The following DNAJC1 variants were observed in gnomAD, a reference collection of about 807,000 sequenced individuals.
DNAJC1 encodes dnaJ homolog subfamily C member 1.
DNAJC1 carries 58 observed loss-of-function variants against 76.6 expected under a neutral mutation model. The ratio of observed to expected loss-of-function variants is 0.76; its 90% CI spans 0.61 to 0.94. The LOEUF is 0.94. Ranked by LOEUF, DNAJC1 falls within the 40% of genes least tolerant of loss-of-function variation. The pLI, the probability that DNAJC1 is intolerant of heterozygous loss-of-function variation, is 0.00. For synonymous variants in DNAJC1, 258 were observed against 267.9 expected (o/e 0.96, Z 0.36); for missense variants, 689 against 677.3 (o/e 1.02, Z -0.19).
intron 8 of DNAJC1, among the ~76,000 whole-genome samples, chr10:21,860,314 A>G (rs895883762): frequency 2.6e-5 from 4 of 152,154 alleles, no homozygotes; most frequent in African/African-American, 2.4e-5. Flanking sequence ...AAATAGAAAG[A>G]GGAGATAATT....
chr10:21,814,306 G>A (rs1835039651), intron 8 of DNAJC1, among the ~76,000 whole-genome samples: 1 of 152,188 alleles, frequency 6.6e-6, no homozygotes, highest in Non-Finnish European at 1.5e-5. Context: ...ATCTCTTCCA[G>A]GTTAGGGGAC....
intron 6 of DNAJC1, among the ~76,000 whole-genome samples, chr10:21,916,315 C>T (rs1836955362): frequency 6.6e-6 from 1 of 152,050 alleles, no homozygotes; most frequent in African/African-American, 2.4e-5. Context: ...CGGTGAAACC[C>T]CGTCTCTACT....
intron 8 of DNAJC1, among the ~76,000 whole-genome samples, chr10:21,824,296 A>G (rs2131662162): frequency 6.6e-6 from 1 of 152,328 alleles, no homozygotes; most frequent in Admixed American, 6.5e-5. Flanking sequence ...AGGCAAGAAG[A>G]GTATATTATC....
chr10:21,923,496 T>G (rs544577319), intron 3 of DNAJC1, among the ~76,000 whole-genome samples: 1 of 152,080 alleles, frequency 6.6e-6, no homozygotes, highest in East Asian at 1.9e-4. Flanking sequence ...ATGCTCTGTA[T>G]TTGGGATTCA....
intron 8 of DNAJC1, among the ~76,000 whole-genome samples, chr10:21,815,508 T>A (rs1268348042): frequency 6.6e-6 from 1 of 152,192 alleles, no homozygotes; most frequent in Non-Finnish European, 1.5e-5. Flanking sequence ...AGTTTTAAGT[T>A]TTCTACCAGC....
At position 21,929,689 on chromosome 10, in the gene DNAJC1, T is replaced by G. The variant is rs146444251; in HGVS notation, c.223-548A>C. 2.6e-3 allele frequency among the ~76,000 whole-genome samples: 396 copies of G among 152,274 alleles called. 6 individuals carry two copies. The highest frequency in any genetic ancestry group is 0.024 in the Admixed American group (368 of 15,290). ...TAGCATTTATCAAAAATTATTATCA[T>G]TAGAAAGAGTTAAATATACTATACT... On this transcript the variant is annotated intron_variant, in intron 1 of 11. Coordinates refer to ENST00000376980, the MANE Select transcript of DNAJC1 (RefSeq NM_022365.4).
intron 8 of DNAJC1, chr10:21,865,840 A>G (rs1336332445): frequency 2.6e-5 from 4 of 152,110 alleles, no homozygotes; most frequent in African/African-American, 9.7e-5. Flanking sequence ...TGGAATATTA[A>G]AAATTAGTCC....
At chr10:21,790,014 A>G (rs1834662516) in intron 9 of DNAJC1, among the ~76,000 whole-genome samples, 1 of 146,400 alleles carries the variant, frequency 6.8e-6, no homozygotes, top group Non-Finnish European at 1.5e-5. Flanking sequence ...TGTCTTTAAA[A>G]AAAAAAAAAA....
intron 11 of DNAJC1, 108 bp downstream of exon 11, chr10:21,759,062 G>A: frequency 1.9e-6 from 2 of 1,076,016 alleles, no homozygotes; most frequent in African/African-American, 1.6e-5. Flanking sequence ...AAATCACGGG[G>A]CAGGTGTCAG....
intron 1 of DNAJC1, among the ~76,000 whole-genome samples, chr10:21,973,561 T>C (rs1414410134): frequency 6.6e-6 from 1 of 152,168 alleles, no homozygotes; most frequent in Non-Finnish European, 1.5e-5. Flanking sequence ...TGAATCTAAA[T>C]TGCTGAAATG....
intron 1 of DNAJC1, among the ~76,000 whole-genome samples, chr10:21,985,211 G>A (rs989273668): frequency 6.7e-6 from 1 of 149,786 alleles, no homozygotes; most frequent in Non-Finnish European, 1.5e-5. Context: ...CCATCCGTGT[G>A]CAATCAATCC....
At chr10:21,801,378 GA>G (rs1170173988) in intron 9 of DNAJC1, among the ~76,000 whole-genome samples, 2 of 151,968 alleles carry the variant, frequency 1.3e-5, no homozygotes, top group African/African-American at 2.4e-5. Context: ...ACAAGGATAT[GA>G]AAAAAAGCTC....
At chr10:21,933,566 A>G (rs187634652) in intron 1 of DNAJC1, 1 of 152,340 alleles carries the variant, frequency 6.6e-6, no homozygotes, top group Admixed American at 6.5e-5. Context: ...ACAAGCAGAA[A>G]CTGAAGCTAA....
chr10:21,935,247 G>A (rs969991108), intron 1 of DNAJC1, among the ~76,000 whole-genome samples: 3 of 152,004 alleles, frequency 2.0e-5, no homozygotes, highest in African/African-American at 7.2e-5. Context: ...AGGAAAATAT[G>A]AGAATAATGT....
chr10:21,805,336 T>C (rs1834870842), intron 9 of DNAJC1, among the ~76,000 whole-genome samples: 2 of 152,190 alleles, frequency 1.3e-5, no homozygotes, highest in East Asian at 1.9e-4. Context: ...TGCTAGGTGC[T>C]TTCTAAAAAA....
chr10:21,794,261 A>G (rs902111828), intron 9 of DNAJC1, among the ~76,000 whole-genome samples: 3 of 142,602 alleles, frequency 2.1e-5, no homozygotes, highest in Non-Finnish European at 3.0e-5. Context: ...GTAAGTTCCT[A>G]TCTTCAAAAA....
chr10:21,918,704 C>T (rs954811326), intron 6 of DNAJC1, 75 bp downstream of exon 6: 45 of 1,108,852 alleles, frequency 4.1e-5, no homozygotes, highest in African/African-American at 6.3e-5. Context: ...TTCAGAGAGC[C>T]GACATGGGCA....
intron 8 of DNAJC1, among the ~76,000 whole-genome samples, chr10:21,879,958 C>G (rs961536620): frequency 6.6e-6 from 1 of 152,204 alleles, no homozygotes; most frequent in Non-Finnish European, 1.5e-5. Context: ...GCATGTGATG[C>G]TGCTTGATAG....
At chr10:21,847,669 A>G (rs1255246219) in intron 8 of DNAJC1, among the ~76,000 whole-genome samples, 1 of 152,148 alleles carries the variant, frequency 6.6e-6, no homozygotes, top group African/African-American at 2.4e-5. Context: ...GCTGTCACAT[A>G]TGAGTGAGAA....
Sources: gnomAD v4.1 joint callset for allele counts (sites outside exome capture counted in the v4.1 genomes callset) on GRCh38, gnomAD v4.1.1 for gene constraint, MANE v1.5 for transcripts, NCBI Gene and HGNC (gene_info 2026-07-23, HGNC 2026-07-21) for gene names.